The following KIF13A variants were observed in gnomAD, a reference collection of about 807,000 sequenced individuals.
The protein encoded by KIF13A is kinesin family member 13A.
Under a neutral mutation model 212.2 loss-of-function variants are expected in KIF13A, and 79 were observed. That is an observed-to-expected ratio of 0.37 (90% confidence interval 0.31 to 0.45). KIF13A has a LOEUF of 0.45. Ranked by LOEUF, KIF13A falls within the 20% of genes least tolerant of loss-of-function variation. KIF13A has a pLI of 1.00. For missense variants in KIF13A, 1,901 were observed against 2,209.0 expected (o/e 0.86, Z 2.79); for synonymous variants, 789 against 808.6 (o/e 0.98, Z 0.41).
intron 16 of KIF13A, among the ~76,000 whole-genome samples, chr6:17,821,552 GGTGTGTGTGTGTGT>G (rs111387037): frequency 1.8e-5 from 2 of 112,010 alleles, no homozygotes; most frequent in Non-Finnish European, 3.9e-5. Flanking sequence ...ATTGGGACAT[GGTGTGTGTGTGTGT>G]GTGTGTGTGT....
In KIF13A at chr6:17,898,369, A is replaced by T. The variant is rs1370418018; in HGVS notation, c.147-189T>A. The stretch of plus-strand genomic sequence containing the variant: ...TTCAAACACATTACTGAATGAAGTG[A>T]TAAACTCAATATTTGCTCAAAAACA... On this transcript the variant is annotated intron_variant, in intron 2 of 38. Transcript: ENST00000259711. The surrounding 1 kb of genome is among the most constrained non-coding windows in gnomAD (Gnocchi z 5.2). 1.3e-5 allele frequency among the ~76,000 whole-genome samples: 2 copies of T among 152,184 alleles called. No individual in the cohort carries two copies. Among genetic ancestry groups the T allele is most frequent in the African/African-American group, 4.8e-5 (2 of 41,442 alleles).
intron 3 of KIF13A, among the ~76,000 whole-genome samples, chr6:17,889,786 C>G (rs567080733): frequency 2.4e-4 from 37 of 152,228 alleles, no homozygotes; most frequent in South Asian, 1.2e-3. Flanking sequence ...AAGCTCTCCC[C>G]CTGGACGGTT....
At chr6:17,952,460 C>G (rs113438291) in intron 2 of KIF13A, among the ~76,000 whole-genome samples, 31,871 of 151,342 alleles carry the variant, frequency 0.21, 3,711 homozygotes, top group African/African-American at 0.32. Flanking sequence ...TGGCAAGATT[C>G]TGCCTCTACA....
intron 2 of KIF13A, among the ~76,000 whole-genome samples, chr6:17,958,161 C>T (rs1159198600): frequency 2.0e-5 from 3 of 152,190 alleles, no homozygotes; most frequent in African/African-American, 7.2e-5. Context: ...ATACCTCAGG[C>T]ACAAGGAGGG....
chr6:17,846,102 C>T (rs183126012), intron 9 of KIF13A, among the ~76,000 whole-genome samples: 1 of 130,668 alleles, frequency 7.7e-6, no homozygotes, highest in Admixed American at 9.3e-5. Flanking sequence ...ATTACAGGCG[C>T]CCACTACCAT....
chr6:17,833,307 A>G (rs1765622487), intron 12 of KIF13A, among the ~76,000 whole-genome samples: 1 of 148,638 alleles, frequency 6.7e-6, no homozygotes, highest in Non-Finnish European at 1.5e-5. Flanking sequence ...CAGCCCGGGC[A>G]ACAAAATAAG....
chr6:17,862,927 G>A (rs777324434), intron 4 of KIF13A, among the ~76,000 whole-genome samples: 3 of 152,136 alleles, frequency 2.0e-5, no homozygotes, highest in Non-Finnish European at 2.9e-5. Context: ...CAGCTCAGGC[G>A]ACAGAGCGAG....
At chr6:17,824,778 A>AAC (rs1764817345) in intron 16 of KIF13A, among the ~76,000 whole-genome samples, 2 of 141,698 alleles carry the variant, frequency 1.4e-5, no homozygotes, top group Admixed American at 7.0e-5. Flanking sequence ...AAAAAAAAAA[A>AAC]AACAAAACAC....
chr6:17,910,584 G>C (rs1773955851), intron 2 of KIF13A, among the ~76,000 whole-genome samples: 1 of 152,130 alleles, frequency 6.6e-6, no homozygotes, highest in East Asian at 1.9e-4. Context: ...AAAATTAACT[G>C]TTAGTTTTTG....
intron 29 of KIF13A, among the ~76,000 whole-genome samples, chr6:17,782,182 G>A (rs1421162515): frequency 1.3e-5 from 2 of 151,624 alleles, no homozygotes; most frequent in Admixed American, 1.3e-4. Flanking sequence ...TGATCCACCC[G>A]CCTCAGCCTC....
Position 17,816,717 on chromosome 6 carries a change from TAAAG to T in KIF13A, c.2000+299_2000+302del, listed in dbSNP as rs61282099. ...AAATAAGAAAAAAATGCTTTTGTGT[TAAAG>T]AAATTATTCAAACTTTCTAAATTTC... On this transcript the variant is annotated intron_variant, in intron 17 of 38. Coordinates refer to ENST00000259711, the MANE Select transcript of KIF13A (RefSeq NM_022113.6). This position sits in a 1 kb window ranked among gnomAD's most constrained non-coding sequence, Gnocchi z 4.3. Among the ~76,000 whole-genome samples, 5,771 of 152,286 alleles carry T rather than the reference TAAAG, an allele frequency of 0.038. 125 individuals carry two copies. Among genetic ancestry groups the T allele is most frequent in the African/African-American group, 0.05 (2,097 of 41,572 alleles).
At chr6:17,793,393 T>C (rs1467129215) in intron 25 of KIF13A, among the ~76,000 whole-genome samples, 1 of 151,972 alleles carries the variant, frequency 6.6e-6, no homozygotes, top group Non-Finnish European at 1.5e-5. Context: ...AGTTCCTAAT[T>C]TTAGAGATTC....
At chr6:17,930,202 CAATT>C (rs1359759736) in intron 2 of KIF13A, among the ~76,000 whole-genome samples, 1 of 152,064 alleles carries the variant, frequency 6.6e-6, no homozygotes, top group African/African-American at 2.4e-5. Flanking sequence ...AAAAGAAGCA[CAATT>C]TATTTTGAAA....
Position 17,771,588 on chromosome 6 carries a change from A to G in KIF13A, c.4476+320T>C, listed in dbSNP as rs931990798. ...TAAAAAACAAAATCAGAAATCCCCA[A>G]AAAGACAAAAAAGAAAAATAATTTT... On this transcript the variant is annotated intron_variant, in intron 37 of 38. Transcript: ENST00000259711. The surrounding 1 kb of genome is among the most constrained non-coding windows in gnomAD (Gnocchi z 5.4). The G allele has an allele frequency of 6.1e-6, 2 of 330,500 alleles. No homozygotes were observed. Among genetic ancestry groups the G allele is most frequent in the African/African-American group, 4.2e-5 (2 of 47,192 alleles). The allele number at this position is 330,500 out of a possible 1,614,324, so 20.5% of individuals were successfully genotyped here. A position where few individuals can be genotyped will look rare whatever the true frequency, so the allele number is the denominator to read the frequency against.
Position 17,918,240 on chromosome 6 carries a change from C to A in KIF13A, c.147-20060G>T, listed in dbSNP as rs961085407. On this transcript the variant is annotated intron_variant, in intron 2 of 38. Coordinates refer to ENST00000259711, the MANE Select transcript of KIF13A (RefSeq NM_022113.6). This position sits in a 1 kb window ranked among gnomAD's most constrained non-coding sequence, Gnocchi z 4.8. ...CACCCTGGGTTCTCTCCTATCGGGTCTGGCATAGTGCTTGACGTGCAGCAG... is the reference window on the plus strand; with the variant it reads ...CACCCTGGGTTCTCTCCTATCGGGTATGGCATAGTGCTTGACGTGCAGCAG... Among the ~76,000 whole-genome samples the A allele has an allele frequency of 6.6e-6, 1 of 152,052 alleles. No homozygotes were observed. Among genetic ancestry groups the A allele is most frequent in the Admixed American group, 6.6e-5 (1 of 15,260 alleles).
Position 17,871,531 on chromosome 6 carries a change from G to GT in KIF13A, c.220+1845dup, listed in dbSNP as rs1770009587. On this transcript the variant is annotated intron_variant, in intron 4 of 38. Coordinates refer to ENST00000259711, the MANE Select transcript of KIF13A (RefSeq NM_022113.6). This position sits in a 1 kb window ranked among gnomAD's most constrained non-coding sequence, Gnocchi z 4.4. ...TTCATGGGCTGCACACACACAGTGGGTTGGGGGGGGAGTCATGAATACTTA... is the reference window on the plus strand; with the variant it reads ...TTCATGGGCTGCACACACACAGTGGGTTTGGGGGGGGAGTCATGAATACTTA... Among the ~76,000 whole-genome samples, 1 of 152,124 alleles carries GT rather than the reference G, an allele frequency of 6.6e-6. No individual in the cohort carries two copies. Among genetic ancestry groups the GT allele is most frequent in the Non-Finnish European group, 1.5e-5 (1 of 68,030 alleles).
intron 16 of KIF13A, chr6:17,821,991 G>A: frequency 7.0e-7 from 1 of 1,429,300 alleles, no homozygotes; most frequent in Non-Finnish European, 9.4e-7. Flanking sequence ...ATGCCCCAAA[G>A]GGAAGCTCCA....
chr6:17,858,091 G>A (rs1217999115), intron 4 of KIF13A, among the ~76,000 whole-genome samples: 1 of 142,404 alleles, frequency 7.0e-6, no homozygotes. Context: ...ATGTGTGTGT[G>A]TGTGTGTGTG....
chr6:17,824,227 A>AT, intron 16 of KIF13A, among the ~76,000 whole-genome samples: 1 of 152,232 alleles, frequency 6.6e-6, no homozygotes, highest in East Asian at 1.9e-4. Context: ...CATTTTTATA[A>AT]TTAAAAAAAG....
Sources: allele counts gnomAD v4.1 joint callset (sites outside exome capture counted in the v4.1 genomes callset), GRCh38; gene constraint gnomAD v4.1.1; non-coding constraint Gnocchi (gnomAD v3.1); transcripts MANE v1.5; gene names NCBI Gene and HGNC (gene_info 2026-07-23, HGNC 2026-07-21).